Variants in DYNLRB1 observed in about 807,000 individuals in gnomAD.
DYNLRB1 encodes the protein ROBL/LC7-like 1.
A neutral mutation model predicts 13.5 loss-of-function variants in DYNLRB1; 6 were observed. The observed-to-expected ratio is 0.44, with a 90% CI of 0.24 to 0.88. DYNLRB1 has a LOEUF of 0.88. DYNLRB1 is among the 40% of genes least tolerant of loss of function. The pLI is 0.21. For missense variants in DYNLRB1, 93 were observed against 127.2 expected (o/e 0.73, Z 1.29); for synonymous variants, 43 against 45.0 (o/e 0.96, Z 0.18).
In DYNLRB1 at chr20:34,534,623, C is replaced by T; in HGVS notation, c.80-5C>T. ...CCTCTCAGTCTCCGTCTGCTCTCCC[C>T]TCAGGCATTCCCATCAAGAGCACCA... is the stretch of plus-strand genomic sequence containing the variant. On this transcript the variant is annotated splice_region_variant and splice_polypyrimidine_tract_variant and intron_variant, in intron 2 of 3. Transcript: ENST00000357156. 1.3e-6 allele frequency: 2 copies of T among 1,559,570 alleles called. No homozygotes were observed. The highest frequency in any genetic ancestry group is 1.7e-6 in the Non-Finnish European group (2 of 1,152,362).
chr20:34,538,708 GTCACT>G (rs1440278992), intron 3 of DYNLRB1, among the ~76,000 whole-genome samples: 1 of 152,170 alleles, frequency 6.6e-6, no homozygotes, highest in Non-Finnish European at 1.5e-5. Context: ...GAAACTGTTA[GTCACT>G]TCATTTCTGT....
chr20:34,537,643 G>C (rs1023560297), intron 3 of DYNLRB1, among the ~76,000 whole-genome samples: 8 of 152,192 alleles, frequency 5.3e-5, no homozygotes, highest in Admixed American at 2.0e-4. Flanking sequence ...AACTCCTGTG[G>C]TCAGGAGCCA....
chr20:34,516,121 T>C (rs1025349487), upstream of DYNLRB1, among the ~76,000 whole-genome samples: 8 of 151,484 alleles, frequency 5.3e-5, no homozygotes, highest in African/African-American at 1.7e-4. Context: ...TCTCGAACTC[T>C]TGGGCTCAAG....
rs758974661 is a variant in DYNLRB1, at chr20:34,516,437, G to A, written c.-22G>A. On this transcript the variant is annotated 5_prime_UTR_variant, in exon 1 of 4. Coordinates refer to ENST00000357156, the MANE Select transcript of DYNLRB1 (RefSeq NM_014183.4). ...AGGACTCGCTAAGTGTTCGCTACGC[G>A]GGGCTACCGGATCGGTCGGAAATGG... 6.2e-7 allele frequency: 1 copy of A among 1,612,870 alleles called. No individual in the cohort carries two copies. Among genetic ancestry groups the A allele is most frequent in the Non-Finnish European group, 8.5e-7 (1 of 1,179,336 alleles).
rs1412564100 is a variant in DYNLRB1 at position 34,530,312 on chromosome 20, T to G, written c.79+3969T>G. On this transcript the variant is annotated intron_variant, in intron 2 of 3. Transcript: ENST00000357156. ...ACGTGGAATGCAGAATGAGCCCACC[T>G]GGCTTTGAATCTGGGCCCTACTTAA... 4 of 997,456 alleles carry G rather than the reference T, an allele frequency of 4.0e-6. No individual in the cohort carries two copies. In the Admixed American group the frequency reaches 2.4e-4, roughly 60 times the overall value. 61.8% of individuals were successfully genotyped at this position (997,456 alleles called of 1,614,324 possible).
chr20:34,515,945 G>C (rs186927074), upstream of DYNLRB1, among the ~76,000 whole-genome samples: 5 of 152,092 alleles, frequency 3.3e-5, no homozygotes, highest in East Asian at 9.7e-4. Context: ...CCCAGGCTGG[G>C]GTGCAGTGGC....
rs566013607 is a variant in DYNLRB1, at chr20:34,532,796, C to A, written c.80-1832C>A. Among the ~76,000 whole-genome samples, 59 of 152,298 alleles carry A rather than the reference C, an allele frequency of 3.9e-4. 1 individual carries two copies. Among genetic ancestry groups the A allele is most frequent in the African/African-American group, 1.2e-3 (50 of 41,566 alleles). The stretch of plus-strand genomic sequence containing the variant: ...TCTGCGACTCACCTGCTTCTTTTGC[C>A]ACCATGTCCTCTTCTGCCCACCCTC... On this transcript the variant is annotated intron_variant, in intron 2 of 3. Coordinates refer to ENST00000357156, the MANE Select transcript of DYNLRB1 (RefSeq NM_014183.4).
chr20:34,529,911 C>T, intron 2 of DYNLRB1: 1 of 1,505,492 alleles, frequency 6.6e-7, no homozygotes, highest in Non-Finnish European at 8.9e-7. Context: ...TCAGGGCTGC[C>T]CCTGATCAGT....
intron 1 of DYNLRB1, among the ~76,000 whole-genome samples, chr20:34,520,412 C>CT (rs1462694134): frequency 1.3e-5 from 2 of 152,116 alleles, no homozygotes; most frequent in African/African-American, 4.8e-5. Context: ...GGCCAAATAT[C>CT]TTACCTGTGT....
intron 2 of DYNLRB1, among the ~76,000 whole-genome samples, chr20:34,532,713 C>CT (rs1181333883): frequency 2.0e-5 from 3 of 152,214 alleles, no homozygotes; most frequent in Non-Finnish European, 4.4e-5. Context: ...CATCTTGTCT[C>CT]TTACAGACAA....
Position 34,526,262 on chromosome 20 carries a change from T to G in DYNLRB1, c.4-6T>G, listed in dbSNP as rs763213207. 1.2e-6 allele frequency: 2 copies of G among 1,613,464 alleles called. No individual in the cohort carries two copies. On this transcript the variant is annotated splice_region_variant and splice_polypyrimidine_tract_variant and intron_variant, in intron 1 of 3. Coordinates refer to ENST00000357156, the MANE Select transcript of DYNLRB1 (RefSeq NM_014183.4). ...CTCTCCTAACCTTGGTCTTGTTTTC[T>G]GGCAGGCAGAGGTGGAGGAGACACT...
intron 3 of DYNLRB1, among the ~76,000 whole-genome samples, chr20:34,539,415 C>A (rs1467661175): frequency 6.6e-6 from 1 of 152,164 alleles, no homozygotes. Context: ...TGTGGTTGCT[C>A]ACACCTATAA....
At chr20:34,536,766 G>A (rs78023266) in intron 3 of DYNLRB1, among the ~76,000 whole-genome samples, 31 of 145,546 alleles carry the variant, frequency 2.1e-4, no homozygotes, top group Non-Finnish European at 3.8e-4. Flanking sequence ...AAAAAAAAAA[G>A]TTGGGCCGGG....
chr20:34,531,900 G>A (rs1980740634), intron 2 of DYNLRB1, among the ~76,000 whole-genome samples: 1 of 152,234 alleles, frequency 6.6e-6, no homozygotes, highest in South Asian at 2.1e-4. Context: ...GAAAGTTCCA[G>A]GCAGAGGGAT....
chr20:34,529,863 C>A (rs1421100262), intron 2 of DYNLRB1: 1 of 1,525,052 alleles, frequency 6.6e-7, no homozygotes. Flanking sequence ...AGGCTGGGAG[C>A]CCTTGGGACA....
At chr20:34,519,082 A>T (rs777532926) in intron 1 of DYNLRB1, among the ~76,000 whole-genome samples, 10 of 151,828 alleles carry the variant, frequency 6.6e-5, no homozygotes, top group Non-Finnish European at 1.0e-4. Context: ...TGGTAGAGAC[A>T]GGGTTTTTTT....
chr20:34,532,734 C>T (rs1272061197), intron 2 of DYNLRB1, among the ~76,000 whole-genome samples: 1 of 152,196 alleles, frequency 6.6e-6, no homozygotes, highest in Non-Finnish European at 1.5e-5. Flanking sequence ...GTGATGACTG[C>T]AACCTGTTCT....
At chr20:34,516,332 C>T, upstream of DYNLRB1, 1 of 1,423,188 alleles carries the variant, frequency 7.0e-7, no homozygotes, top group Non-Finnish European at 9.3e-7. Context: ...GCTCGCCCGC[C>T]CCCGCCTCAC....
chr20:34,518,342 T>G (rs759241354), intron 1 of DYNLRB1, among the ~76,000 whole-genome samples: 10 of 152,138 alleles, frequency 6.6e-5, no homozygotes, highest in Non-Finnish European at 1.2e-4. Flanking sequence ...TTGGCTTTTC[T>G]GAGTCTTTTG....
Sources: gnomAD v4.1 joint callset for allele counts (sites outside exome capture counted in the v4.1 genomes callset) on GRCh38, gnomAD v4.1.1 for gene constraint, MANE v1.5 for transcripts, NCBI Gene and HGNC (gene_info 2026-07-23, HGNC 2026-07-21) for gene names.